LIPA: variants seen among roughly 807,000 people sequenced by gnomAD.
The protein encoded by LIPA is lipase A, lysosomal acid type, also known as lysosomal acid lipase/cholesteryl ester hydrolase.
Under a neutral mutation model 40.6 loss-of-function variants are expected in LIPA, and 26 were observed. The observed-to-expected ratio is 0.64, with a 90% CI of 0.47 to 0.89. The LOEUF (loss-of-function observed/expected upper bound fraction) is 0.89. Ranked by LOEUF, LIPA falls within the 40% of genes least tolerant of loss-of-function variation. The probability of loss-of-function intolerance (pLI) is 0.00; values close to 1 mark genes in which losing one functional copy is unlikely to be tolerated. For synonymous variants in LIPA, 188 were observed against 168.4 expected, an observed-to-expected ratio of 1.12 and a Z score of -0.90; for missense variants, 455 against 479.6, an observed-to-expected ratio of 0.95 and a Z score of 0.48.
rs1183673194 is a variant in LIPA at position 89,247,664 on chromosome 10, A to G, written c.-1-15T>C. 3 of 1,527,360 alleles carry G rather than the reference A, an allele frequency of 2.0e-6. No homozygotes were observed. In the African/African-American group the frequency reaches 4.1e-5, roughly 21 times the overall value. 94.6% of individuals were successfully genotyped at this position (1,527,360 alleles called of 1,614,324 possible). The stretch of plus-strand genomic sequence containing the variant: ...GCATTTTCATTCTGTATAATAAAAC[A>G]GTCTATTATTATTTGCTTGAATTTT... On this transcript the variant is annotated splice_polypyrimidine_tract_variant and intron_variant, in intron 1 of 9. Transcript: ENST00000336233.
intron 1 of LIPA, among the ~76,000 whole-genome samples, chr10:89,413,100 T>C (rs1841489141): frequency 6.6e-6 from 1 of 152,192 alleles, no homozygotes; most frequent in East Asian, 1.9e-4. Context: ...AGTGAGAACA[T>C]GCAGTGTTTG....
chr10:89,240,386 G>A (rs554390068), intron 3 of LIPA, among the ~76,000 whole-genome samples: 2 of 152,282 alleles, frequency 1.3e-5, no homozygotes, highest in East Asian at 3.9e-4. Context: ...TGAAGCTGTA[G>A]TAAGCTATGA....
chr10:89,241,857 A>C (rs1359694815), intron 3 of LIPA, among the ~76,000 whole-genome samples: 1 of 152,128 alleles, frequency 6.6e-6, no homozygotes, highest in Admixed American at 6.5e-5. Flanking sequence ...CTTGGTTAAT[A>C]TTTATTATGT....
intron 1 of LIPA, among the ~76,000 whole-genome samples, chr10:89,250,078 T>C (rs1277839659): frequency 1.6e-5 from 2 of 125,656 alleles, no homozygotes; most frequent in African/African-American, 2.9e-5. Flanking sequence ...TTTTTTCTTT[T>C]TTCTTTTTCT....
intron 2 of LIPA, among the ~76,000 whole-genome samples, chr10:89,395,138 T>C (rs1264901213): frequency 6.6e-6 from 1 of 152,084 alleles, no homozygotes; most frequent in African/African-American, 2.4e-5. Flanking sequence ...CACTTCCCTA[T>C]AGCATAGCAG....
intron 1 of LIPA, among the ~76,000 whole-genome samples, chr10:89,321,032 T>C (rs1424357270): frequency 6.6e-6 from 1 of 151,888 alleles, no homozygotes; most frequent in African/African-American, 2.4e-5. Context: ...AAGCTGAAAC[T>C]GGATCCCTTC....
At chr10:89,315,985 T>C (rs1843539479) in intron 1 of LIPA, among the ~76,000 whole-genome samples, 2 of 152,206 alleles carry the variant, frequency 1.3e-5, no homozygotes, top group African/African-American at 2.4e-5. Context: ...TACATATGTA[T>C]ACTAAAACTA....
chr10:89,391,714 G>A (rs541285473), intron 2 of LIPA, among the ~76,000 whole-genome samples: 7 of 152,096 alleles, frequency 4.6e-5, no homozygotes, highest in African/African-American at 7.2e-5. Flanking sequence ...TATTTTAGTA[G>A]AGAGGGGGTT....
At chr10:89,391,013 T>G (rs113749033) in intron 2 of LIPA, among the ~76,000 whole-genome samples, 6,515 of 152,182 alleles carry the variant, frequency 0.043, 285 homozygotes, top group Non-Finnish European at 0.055. Context: ...GTTGTTGAAC[T>G]CTCTGTGGAA....
At chr10:89,306,035 G>A in intron 1 of LIPA, 1 of 1,614,020 alleles carries the variant, frequency 6.2e-7, no homozygotes, top group Non-Finnish European at 8.5e-7. Flanking sequence ...CTTGATGGAG[G>A]GAGAAAACTC....
intron 1 of LIPA, among the ~76,000 whole-genome samples, chr10:89,320,605 G>T (rs1020446497): frequency 2.0e-5 from 3 of 152,192 alleles, no homozygotes; most frequent in Non-Finnish European, 4.4e-5. Flanking sequence ...CATGCTCATG[G>T]ATAAGAAGAA....
upstream of LIPA, among the ~76,000 whole-genome samples, chr10:89,344,595 C>T (rs2133582410): frequency 6.7e-6 from 1 of 148,320 alleles, no homozygotes; most frequent in Admixed American, 6.7e-5. Context: ...CTGAAATTCT[C>T]ACTATCCATG....
intron 1 of LIPA, among the ~76,000 whole-genome samples, chr10:89,305,363 T>C (rs942206110): frequency 6.6e-6 from 1 of 151,666 alleles, no homozygotes; most frequent in African/African-American, 2.4e-5. Context: ...ACAAAATAAA[T>C]GAAGGATATA....
intron 2 of LIPA, among the ~76,000 whole-genome samples, chr10:89,365,461 C>T (rs897380216): frequency 2.0e-5 from 3 of 152,142 alleles, no homozygotes; most frequent in African/African-American, 4.8e-5. Context: ...TTAATTAGAT[C>T]CCATTTGTCA....
intron 2 of LIPA, chr10:89,405,467 TA>T (rs1278987475): frequency 6.6e-6 from 1 of 152,234 alleles, no homozygotes; most frequent in Non-Finnish European, 1.5e-5. Context: ...TTAGTGGCTG[TA>T]ACAAATTACC....
intron 2 of LIPA, among the ~76,000 whole-genome samples, chr10:89,371,873 C>T (rs552336392): frequency 6.6e-6 from 1 of 152,310 alleles, no homozygotes; most frequent in Admixed American, 6.5e-5. Context: ...GAATACTATG[C>T]AGCCAAAGGA....
intron 8 of LIPA, among the ~76,000 whole-genome samples, chr10:89,219,094 GT>G (rs1381363736): frequency 6.6e-6 from 1 of 151,766 alleles, no homozygotes; most frequent in Non-Finnish European, 1.5e-5. Context: ...CATATTACAT[GT>G]TTAACAAAAA....
chr10:89,276,626 C>T (rs1200257730), intron 1 of LIPA, among the ~76,000 whole-genome samples: 9 of 152,118 alleles, frequency 5.9e-5, no homozygotes, highest in East Asian at 1.9e-4. Context: ...TTAACAGTAT[C>T]GTTGGAAGAG....
intron 2 of LIPA, among the ~76,000 whole-genome samples, chr10:89,370,511 G>A (rs997839401): frequency 6.6e-6 from 1 of 152,078 alleles, no homozygotes; most frequent in African/African-American, 2.4e-5. Context: ...TGGGATTACA[G>A]GTGTGAGCCA....
Sources: allele counts gnomAD v4.1 joint callset (sites outside exome capture counted in the v4.1 genomes callset), GRCh38; gene constraint gnomAD v4.1.1; transcripts MANE v1.5; gene names NCBI Gene and HGNC (gene_info 2026-07-23, HGNC 2026-07-21).